SYT1: variants seen among roughly 807,000 people sequenced by gnomAD.
The protein encoded by SYT1 is synaptotagmin-1.
A neutral mutation model predicts 44.8 loss-of-function variants in SYT1; 8 were observed. The ratio of observed to expected loss-of-function variants is 0.18; its 90% CI spans 0.10 to 0.32. The LOEUF is 0.32. Ranked by LOEUF, SYT1 falls within the 10% of genes least tolerant of loss-of-function variation. SYT1 has a pLI of 1.00. For synonymous variants in SYT1, 154 were observed against 188.8 expected (o/e 0.82, Z 1.51); for missense variants, 286 against 509.3 (o/e 0.56, Z 4.22).
At chr12:79,268,694 A>G (rs1386617728) in intron 4 of SYT1, among the ~76,000 whole-genome samples, 1 of 152,190 alleles carries the variant, frequency 6.6e-6, no homozygotes, top group Non-Finnish European at 1.5e-5. Context: ...GAAAAGAGAA[A>G]TAGAGCTATG....
At chr12:79,021,646 A>G (rs1215124714) in intron 2 of SYT1, among the ~76,000 whole-genome samples, 1 of 151,844 alleles carries the variant, frequency 6.6e-6, no homozygotes, top group Non-Finnish European at 1.5e-5. Flanking sequence ...ACCCCTCCAA[A>G]AATTATTTTA....
chr12:79,233,442 C>A (rs981589236), intron 4 of SYT1, among the ~76,000 whole-genome samples: 3 of 152,178 alleles, frequency 2.0e-5, no homozygotes, highest in Non-Finnish European at 2.9e-5. Flanking sequence ...GCTGTTTATA[C>A]GAAACTTGTG....
chr12:79,158,536 C>A (rs1209055576), intron 3 of SYT1, among the ~76,000 whole-genome samples: 1 of 152,080 alleles, frequency 6.6e-6, no homozygotes, highest in Non-Finnish European at 1.5e-5. Context: ...GGGACCCCTG[C>A]TATAATCACC....
Position 79,150,925 on chromosome 12 carries a change from G to A in SYT1, c.-17-66578G>A, listed in dbSNP as rs567665493. 1.3e-4 allele frequency among the ~76,000 whole-genome samples: 19 copies of A among 151,922 alleles called. 1 individual carries two copies. In the South Asian group the frequency reaches 1.3e-3, roughly 10 times the overall value. ...GAGTTTAAATGTATTGAAGAGATAC[G>A]TTAAGTGCCTAGAAAAAAGGAAAAT... is the stretch of plus-strand genomic sequence containing the variant. On this transcript the variant is annotated intron_variant, in intron 3 of 10. Transcript: ENST00000261205.
At chr12:79,158,056 G>C (rs1870709876) in intron 3 of SYT1, among the ~76,000 whole-genome samples, 1 of 152,046 alleles carries the variant, frequency 6.6e-6, no homozygotes, top group African/African-American at 2.4e-5. Context: ...GGAATGAACG[G>C]GGTGGTTTCG....
intron 4 of SYT1, among the ~76,000 whole-genome samples, chr12:79,235,367 A>T (rs994826600): frequency 6.6e-6 from 1 of 152,184 alleles, no homozygotes; most frequent in South Asian, 2.1e-4. Context: ...TGGATTGTAG[A>T]CCTAAATGTA....
At chr12:79,421,906 A>C (rs2136157823) in intron 9 of SYT1, among the ~76,000 whole-genome samples, 1 of 151,940 alleles carries the variant, frequency 6.6e-6, no homozygotes, top group South Asian at 2.1e-4. Context: ...TCTTTAGTGA[A>C]ATTTCCTTGT....
At chr12:79,335,024 C>T (rs947413908) in intron 8 of SYT1, among the ~76,000 whole-genome samples, 1 of 152,188 alleles carries the variant, frequency 6.6e-6, no homozygotes, top group African/African-American at 2.4e-5. Flanking sequence ...CTCCAGGTGA[C>T]ATTCTTCCCC....
intron 9 of SYT1, among the ~76,000 whole-genome samples, chr12:79,354,354 T>C (rs1269969416): frequency 6.6e-6 from 1 of 152,236 alleles, no homozygotes; most frequent in African/African-American, 2.4e-5. Flanking sequence ...GGAATTTTCT[T>C]GATATGCCAC....
intron 9 of SYT1, among the ~76,000 whole-genome samples, chr12:79,404,557 T>C (rs2136120888): frequency 6.6e-6 from 1 of 152,284 alleles, no homozygotes; most frequent in South Asian, 2.1e-4. Context: ...AACCAACTTA[T>C]CTGGAGAAGT....
At chr12:79,321,221 G>A (rs1361566167) in intron 8 of SYT1, among the ~76,000 whole-genome samples, 3 of 152,168 alleles carry the variant, frequency 2.0e-5, no homozygotes, top group Non-Finnish European at 4.4e-5. Flanking sequence ...AACTAAGGAA[G>A]TAATGGCCAA....
At chr12:79,077,100 C>G (rs1876709815) in intron 3 of SYT1, among the ~76,000 whole-genome samples, 2 of 152,118 alleles carry the variant, frequency 1.3e-5, no homozygotes, top group African/African-American at 4.8e-5. Context: ...GTTGCATTAA[C>G]CACCATGAAT....
At chr12:79,308,873 A>G (rs1205303087) in intron 8 of SYT1, among the ~76,000 whole-genome samples, 2 of 152,222 alleles carry the variant, frequency 1.3e-5, no homozygotes, top group African/African-American at 4.8e-5. Context: ...ATATTTGGAA[A>G]CTGTAAGCCT....
intron 3 of SYT1, among the ~76,000 whole-genome samples, chr12:79,178,951 TATAGATATAGATATAG>T (rs1872096856): frequency 1.9e-4 from 14 of 72,042 alleles, no homozygotes; most frequent in African/African-American, 7.9e-4. Flanking sequence ...TAGATATAGA[TATAGATATAGATATAG>T]ATATATAGAT....
chr12:79,354,413 T>C (rs1220124422), intron 9 of SYT1, among the ~76,000 whole-genome samples: 1 of 152,222 alleles, frequency 6.6e-6, no homozygotes, highest in Admixed American at 6.5e-5. Flanking sequence ...GGCTGTGGAA[T>C]TACAACTAAC....
intron 3 of SYT1, among the ~76,000 whole-genome samples, chr12:79,150,199 A>T (rs1157606617): frequency 6.6e-6 from 1 of 152,198 alleles, no homozygotes; most frequent in African/African-American, 2.4e-5. Context: ...ACCGTACATT[A>T]TTACTAACTG....
chr12:79,139,270 A>G lies in SYT1; in HGVS notation c.-17-78233A>G, dbSNP rs539226662. Among the ~76,000 whole-genome samples, 58 of 152,322 alleles carry G rather than the reference A, an allele frequency of 3.8e-4. 1 individual carries two copies. The highest frequency in any genetic ancestry group is 1.3e-3 in the African/African-American group (54 of 41,586). The stretch of plus-strand genomic sequence containing the variant: ...CAAGCTGAGAATTTGAGAGAAAGCA[A>G]GAATGAGAGAGTATAGAACGTCACA... On this transcript the variant is annotated intron_variant, in intron 3 of 10. Coordinates refer to ENST00000261205, the MANE Select transcript of SYT1 (RefSeq NM_005639.3).
At chr12:79,167,254 G>C (rs1292726374) in intron 3 of SYT1, among the ~76,000 whole-genome samples, 1 of 151,950 alleles carries the variant, frequency 6.6e-6, no homozygotes, top group Non-Finnish European at 1.5e-5. Flanking sequence ...GGCATACTTT[G>C]GGTATCTACA....
At chr12:78,864,291 A>C (rs1873413226), upstream of SYT1, 1 of 151,348 alleles carries the variant, frequency 6.6e-6, no homozygotes, top group African/African-American at 2.4e-5. Context: ...ACACACATCG[A>C]AACTCCTAGG....
Sources: allele counts gnomAD v4.1 joint callset (sites outside exome capture counted in the v4.1 genomes callset), GRCh38; gene constraint gnomAD v4.1.1; transcripts MANE v1.5; gene names NCBI Gene and HGNC (gene_info 2026-07-23, HGNC 2026-07-21).